Variants in TTN observed in about 807,000 individuals in gnomAD.
TTN encodes titin, also known as connectin.
In TTN, 1,525 loss-of-function variants were observed where a neutral mutation model predicts 3,223.0. That is an observed-to-expected ratio of 0.47 (90% CI 0.45 to 0.49). The LOEUF (loss-of-function observed/expected upper bound fraction) is 0.49, where lower values mean the gene tolerates loss of function less well. Ranked by LOEUF, TTN falls within the 20% of genes least tolerant of loss-of-function variation. TTN has a pLI of 0.00. For missense variants in TTN, 40,786 were observed against 43,424.0 expected (o/e 0.94, Z 5.40); for synonymous variants, 14,094 against 15,161.0 (o/e 0.93, Z 5.17).
intron 79 of TTN, 109 bp downstream of exon 79, chr2:178,720,812 G>A (rs2078240767): frequency 7.1e-7 from 1 of 1,409,760 alleles, no homozygotes; most frequent in African/African-American, 1.4e-5. Flanking sequence ...ACTTGTTGAA[G>A]AATTGCAACC....
rs748768545 is a variant in TTN, at chr2:178,582,384, A to C, written c.66072T>G (p.His22024Gln). Reference sequence around the variant, plus strand: ...CAGCACAAATACGGAACTGATACTCATGGCCCTCTATAAGTTTCTCCACGC... The same window carrying C: ...CAGCACAAATACGGAACTGATACTCCTGGCCCTCTATAAGTTTCTCCACGC... ...SCSVEKLIEG[H>Q]EYQFRICAEN... Residue 22024 changes from histidine to glutamine, a missense_variant, in exon 314 of 363, where the codon CAT becomes CAG. Transcript: ENST00000589042. 3 of 1,612,706 alleles carry C rather than the reference A, an allele frequency of 1.9e-6. No homozygotes were observed. The highest frequency in any genetic ancestry group is 2.7e-5 in the African/African-American group (2 of 74,850).
intron 47 of TTN, chr2:178,747,520 A>G: frequency 6.2e-7 from 1 of 1,613,342 alleles, no homozygotes; most frequent in Non-Finnish European, 8.5e-7. Context: ...AAAGTGGACG[A>G]CCTAGTGATT....
At position 178,601,603 on chromosome 2, in the gene TTN, A is replaced by C. The variant is rs191509090; in HGVS notation, c.55433-39T>G. 2.2e-4 allele frequency: 354 copies of C among 1,584,648 alleles called. 1 individual carries two copies. In the East Asian group the frequency reaches 7.2e-3, roughly 32 times the overall value. On this transcript the variant is annotated intron_variant, in intron 286 of 362. Coordinates refer to ENST00000589042, the MANE Select transcript of TTN (RefSeq NM_001267550.2). ...ATCACAATATAAGCAACGTTCCTTA[A>C]ATGCTTAAAAATAATTTGTTTTTAT... is the stretch of plus-strand genomic sequence containing the variant.
rs2081141224 is a variant in TTN, at chr2:178,734,706, C to T, written c.15217+1G>A. On this transcript the variant is annotated splice_donor_variant, in intron 51 of 362. Coordinates refer to ENST00000589042, the MANE Select transcript of TTN (RefSeq NM_001267550.2). LOFTEE classifies it high-confidence loss of function. ...ACTGGATGGAAACTCAGTAAACAAA[C>T]CTTTGATAACTATTTCAGTACTGCA... is the stretch of plus-strand genomic sequence containing the variant. 1.2e-6 allele frequency: 2 copies of T among 1,601,648 alleles called. No individual in the cohort carries two copies. Among genetic ancestry groups the T allele is most frequent in the Non-Finnish European group, 1.7e-6 (2 of 1,171,972 alleles).
At position 178,533,706 on chromosome 2, in the gene TTN, A is replaced by G. The variant is rs772981261; in HGVS notation, c.102909T>C (p.Asn34303=). 1.2e-6 allele frequency: 2 copies of G among 1,613,864 alleles called. No homozygotes were observed. The highest frequency in any genetic ancestry group is 4.5e-5 in the East Asian group (2 of 44,872). Residue 34303 remains asparagine, a synonymous_variant, in exon 358 of 363, where the codon AAT becomes AAC. Transcript: ENST00000589042. ...KSGQKIKPGD[N]DKKYTFESDK... ...CTGACTCAAATGTGTACTTCTTGTC[A>G]TTGTCACCTGGTTTGATTTTCTGAC...
chr2:178,570,894 G>A lies in TTN; in HGVS notation c.75238C>T (p.Arg25080Trp), dbSNP rs1370877041. The A allele has an allele frequency of 4.3e-6, 7 of 1,613,446 alleles. No homozygotes were observed. The highest frequency in any genetic ancestry group is 1.7e-5 in the Admixed American group (1 of 59,982). The change falls in exon 326 of 363, where the codon CGG becomes TGG. Residue 25080 changes from arginine to tryptophan, a missense_variant. By Grantham distance (101) the Arg-to-Trp change is moderately radical (BLOSUM62 -3). Coordinates refer to ENST00000589042, the MANE Select transcript of TTN (RefSeq NM_001267550.2). Reference protein sequence around the residue: ...GLVEDHRYEFRVIARNAAGVF... With the variant: ...GLVEDHRYEFWVIARNAAGVF... The stretch of plus-strand genomic sequence containing the variant: ...CCTGCGGCATTTCGGGCTATAACCC[G>A]GAACTCATATCTGTGATCTTCAACT...
In TTN at chr2:178,689,322, C is replaced by A. The variant is rs759142975; in HGVS notation, c.31979G>T (p.Arg10660Leu). 1 of 1,613,706 alleles carries A rather than the reference C, an allele frequency of 6.2e-7. No individual in the cohort carries two copies. Residue 10660 changes from arginine to leucine, a missense_variant, in exon 124 of 363, where the codon CGG (arginine) becomes CTG (leucine). Coordinates refer to ENST00000589042, the MANE Select transcript of TTN (RefSeq NM_001267550.2). Reference protein sequence around the residue: ...KVPEERKPVPRKEEEVPPPPK... With the variant: ...KVPEERKPVPLKEEEVPPPPK... The stretch of plus-strand genomic sequence containing the variant: ...TGGTGGTGGAACTTCTTCCTCCTTC[C>A]GAGGAACAGGTTTCCTTTCTTCAGG...
chr2:178,735,772 T>C lies in TTN; in HGVS notation c.14674A>G (p.Lys4892Glu), dbSNP rs1200349655. 1.3e-5 allele frequency: 21 copies of C among 1,613,660 alleles called. No individual in the cohort carries two copies. The highest frequency in any genetic ancestry group is 1.6e-5 in the Non-Finnish European group (19 of 1,179,810). The part of the protein sequence containing the change: ...LIIIDKPHFI[K>E]ELEPVQSAIN... Reference sequence around the variant, plus strand: ...GCGGACTGCACAGGCTCTAATTCTTTAATGAAATGTGGCTTATCAATGATG... The same window carrying C: ...GCGGACTGCACAGGCTCTAATTCTTCAATGAAATGTGGCTTATCAATGATG... Residue 4892 changes from lysine to glutamate, a missense_variant, in exon 50 of 363, where the codon AAA becomes GAA. By Grantham distance (56) the Lys-to-Glu change is moderately conservative. Coordinates refer to ENST00000589042, the MANE Select transcript of TTN (RefSeq NM_001267550.2).
In TTN at chr2:178,579,424, T is replaced by C. The variant is rs1247277016; in HGVS notation, c.67637-31A>G. 2.6e-6 allele frequency: 4 copies of C among 1,554,256 alleles called. No individual in the cohort carries two copies. The African/African-American group carries it at 5.5e-5, about 22-fold the overall frequency. On this transcript the variant is annotated intron_variant, in intron 319 of 362. Transcript: ENST00000589042. ...AAATAGCAGAGATAAATTACTGTTA[T>C]TTTTAAGGCCAGGCGATTAACTTTT...
In TTN at chr2:178,663,628, T is replaced by C. The variant is rs772875826; in HGVS notation, c.36531A>G (p.Lys12177=). ...PPKEPEVPPV[K]VPEAPKEVVP... is the part of the protein sequence containing the mutation. Reference sequence around the variant, plus strand: ...AAGCCTAAAATCAGTGACAAATACCTTTAACAGGTGGGACTTCAGGCTCTT... The same window carrying C: ...AAGCCTAAAATCAGTGACAAATACCCTTAACAGGTGGGACTTCAGGCTCTT... Residue 12177 remains lysine, a splice_region_variant and synonymous_variant, in exon 171 of 363, where the codon AAA becomes AAG. Transcript: ENST00000589042. 1 of 1,613,744 alleles carries C rather than the reference T, an allele frequency of 6.2e-7. No individual in the cohort carries two copies. The highest frequency in any genetic ancestry group is 1.7e-5 in the Admixed American group (1 of 59,962).
chr2:178,587,094 G>A lies in TTN; in HGVS notation c.64093+24C>T, dbSNP rs1236380939. The A allele has an allele frequency of 3.7e-6, 6 of 1,611,802 alleles. No individual in the cohort carries two copies. In the Admixed American group the frequency reaches 6.7e-5, roughly 18 times the overall value. Reference sequence around the variant, plus strand: ...CTAAAATAGGAGACTGGGGTTAAAAGGAGGAAGAAAGCATAATACTTACTT... The same window carrying A: ...CTAAAATAGGAGACTGGGGTTAAAAAGAGGAAGAAAGCATAATACTTACTT... On this transcript the variant is annotated intron_variant, in intron 307 of 362. Transcript: ENST00000589042.
intron 321 of TTN, 30 bp from the exon 322 acceptor site, chr2:178,578,215 T>C: frequency 2.5e-6 from 4 of 1,576,798 alleles, no homozygotes; most frequent in Non-Finnish European, 3.4e-6. Context: ...GTATCAAGTA[T>C]AAATGCAGCT....
rs771230325 is a variant in TTN at position 178,569,508 on chromosome 2, C to A, written c.76624G>T (p.Val25542Phe). The change falls in exon 326 of 363, where the codon GTT becomes TTT. Residue 25542 changes from valine (V) to phenylalanine (F), a missense_variant. Physicochemically the swap from Val to Phe is conservative, Grantham distance 50 (BLOSUM62 -1). Transcript: ENST00000589042. ...TCACCATCCACCTTTCCCCATTTAA[C>A]TTCTGGTGTAGGACGACCTTTTATA... is the stretch of plus-strand genomic sequence containing the variant. The part of the protein sequence containing the change: ...VPIKGRPTPE[V>F]KWGKVDGEIR... 1.2e-6 allele frequency: 2 copies of A among 1,612,508 alleles called. No individual in the cohort carries two copies. Among genetic ancestry groups the A allele is most frequent in the South Asian group, 1.1e-5 (1 of 90,982 alleles).
intron 121 of TTN, among the ~76,000 whole-genome samples, chr2:178,690,604 G>A (rs2154279066): frequency 6.6e-6 from 1 of 152,002 alleles, no homozygotes; most frequent in East Asian, 1.9e-4. Context: ...GGATAATGTT[G>A]ACTTTTTAAT....
Position 178,770,753 on chromosome 2 carries a change from C to T in TTN, c.8117-78G>A, listed in dbSNP as rs535481638. 5.8e-4 allele frequency: 888 copies of T among 1,522,246 alleles called. 2 individuals carry two copies. Among genetic ancestry groups the T allele is most frequent in the Non-Finnish European group, 7.4e-4 (826 of 1,110,104 alleles). The allele number at this position is 1,522,246 out of a possible 1,614,324, so 94.3% of individuals were successfully genotyped here. On this transcript the variant is annotated intron_variant, in intron 34 of 362. Coordinates refer to ENST00000589042, the MANE Select transcript of TTN (RefSeq NM_001267550.2). Reference sequence around the variant, plus strand: ...AAAGAAGTCCTGAACAAGATCATTGCTTACTCACCCTGCAAAAGAATGGCT... The same window carrying T: ...AAAGAAGTCCTGAACAAGATCATTGTTTACTCACCCTGCAAAAGAATGGCT...
At chr2:178,724,650 T>C in intron 71 of TTN, 112 bp from the exon 72 acceptor site, 1 of 1,136,808 alleles carries the variant, frequency 8.8e-7, no homozygotes, top group Non-Finnish European at 1.2e-6. Context: ...TAGGGTGCTC[T>C]CTCTCTCGAC....
At chr2:178,713,599 T>C (rs1013653744) in intron 92 of TTN, among the ~76,000 whole-genome samples, 3 of 152,172 alleles carry the variant, frequency 2.0e-5, no homozygotes, top group African/African-American at 7.2e-5. Context: ...TGTTCTCTCT[T>C]TGCCGTGAAG....
At position 178,751,767 on chromosome 2, in the gene TTN, G is replaced by A. The variant is rs373311410; in HGVS notation, c.11311+1357C>T. 14 of 1,613,004 alleles carry A rather than the reference G, an allele frequency of 8.7e-6. No individual in the cohort carries two copies. Among genetic ancestry groups the A allele is most frequent in the Non-Finnish European group, 1.2e-5 (14 of 1,179,448 alleles). ...TTTATAATCCGACGAAGACCTGTTG[G>A]GATGGGCCGATTGTTATGAAACCAA... On this transcript the variant is annotated intron_variant, in intron 47 of 362. Coordinates refer to ENST00000589042, the MANE Select transcript of TTN (RefSeq NM_001267550.2).
intron 47 of TTN, chr2:178,749,120 A>T (rs747981499): frequency 6.2e-7 from 1 of 1,612,854 alleles, no homozygotes; most frequent in Non-Finnish European, 8.5e-7. Context: ...ACTGTCAGAA[A>T]TTCTCTCAGA....
Sources: allele counts gnomAD v4.1 joint callset (sites outside exome capture counted in the v4.1 genomes callset), GRCh38; gene constraint gnomAD v4.1.1; transcripts MANE v1.5; gene names NCBI Gene and HGNC (gene_info 2026-07-23, HGNC 2026-07-21).